USP13: variants seen among roughly 807,000 people sequenced by gnomAD.
USP13 encodes the protein ubiquitin carboxyl-terminal hydrolase 13.
A neutral mutation model predicts 107.8 loss-of-function variants in USP13; 68 were observed. The ratio of observed to expected loss-of-function variants is 0.63; its 90% CI spans 0.52 to 0.77. The LOEUF (loss-of-function observed/expected upper bound fraction) is 0.77, where lower values mean the gene tolerates loss of function less well. Ranked by LOEUF, USP13 falls within the 30% of genes least tolerant of loss-of-function variation. The pLI, the probability that USP13 is intolerant of heterozygous loss-of-function variation, is 0.00. For synonymous variants in USP13, 377 were observed against 389.5 expected (o/e 0.97, Z 0.38); for missense variants, 945 against 1,093.3 (o/e 0.86, Z 1.91).
intron 16 of USP13, among the ~76,000 whole-genome samples, chr3:179,759,697 C>T (rs1299913289): frequency 4.6e-5 from 7 of 151,712 alleles, no homozygotes; most frequent in African/African-American, 9.7e-5. Flanking sequence ...TTTTTTGAGA[C>T]GGAGTCTCAC....
intron 6 of USP13, among the ~76,000 whole-genome samples, chr3:179,715,226 A>G (rs1315380626): frequency 6.7e-6 from 1 of 148,342 alleles, no homozygotes; most frequent in Non-Finnish European, 1.5e-5. Flanking sequence ...GAATCTCACT[A>G]TGTTGCCCAG....
At chr3:179,781,107 T>C (rs1326912831) in intron 19 of USP13, among the ~76,000 whole-genome samples, 3 of 152,156 alleles carry the variant, frequency 2.0e-5, no homozygotes, top group Non-Finnish European at 4.4e-5. Context: ...AGAATAAACA[T>C]TGGTCTCATC....
intron 16 of USP13, among the ~76,000 whole-genome samples, chr3:179,760,188 C>T (rs1286272661): frequency 2.0e-5 from 3 of 151,234 alleles, no homozygotes; most frequent in African/African-American, 7.3e-5. Flanking sequence ...CAGATTTACA[C>T]ATACATCTCT....
Position 179,748,645 on chromosome 3 carries a change from A to G in USP13, c.1709+3428A>G, listed in dbSNP as rs948815843. On this transcript the variant is annotated intron_variant, in intron 13 of 20. Coordinates refer to ENST00000263966, the MANE Select transcript of USP13 (RefSeq NM_003940.3). ...CAGCAAATATTATTGCTCACTTAGT[A>G]TATTCTAGGCAATGGGTTGAACAAG... is the stretch of plus-strand genomic sequence containing the variant. 3.9e-5 allele frequency among the ~76,000 whole-genome samples: 6 copies of G among 152,234 alleles called. No homozygotes were observed. The East Asian group carries it at 9.6e-4, about 24-fold the overall frequency.
At chr3:179,669,986 G>A (rs745390941) in intron 1 of USP13, among the ~76,000 whole-genome samples, 2 of 151,426 alleles carry the variant, frequency 1.3e-5, no homozygotes, top group Non-Finnish European at 2.9e-5. Flanking sequence ...TCCTTGAGCT[G>A]ACCTTTGCAG....
At chr3:179,730,804 T>C in intron 10 of USP13, 95 bp downstream of exon 10, 1 of 1,127,072 alleles carries the variant, frequency 8.9e-7, no homozygotes, top group Non-Finnish European at 1.3e-6. Flanking sequence ...GCCATAAATT[T>C]AGCAAGCTGT....
chr3:179,712,457 G>A (rs1374912698), intron 6 of USP13, among the ~76,000 whole-genome samples: 1 of 151,266 alleles, frequency 6.6e-6, no homozygotes, highest in East Asian at 1.9e-4. Flanking sequence ...TTTTTTAAAG[G>A]GTTAATCAGT....
chr3:179,777,083 T>C (rs1337572362), intron 19 of USP13, among the ~76,000 whole-genome samples: 1 of 152,190 alleles, frequency 6.6e-6, no homozygotes, highest in African/African-American at 2.4e-5. Flanking sequence ...CAGTTGCTTA[T>C]ATTGATAAAC....
intron 1 of USP13, among the ~76,000 whole-genome samples, chr3:179,657,875 G>A (rs111725307): frequency 1.3e-5 from 2 of 152,046 alleles, no homozygotes; most frequent in African/African-American, 4.8e-5. Flanking sequence ...AAGTGGAGGA[G>A]GGATGTCTTG....
rs1713248648 is a variant in USP13 at position 179,719,950 on chromosome 3, T to C, written c.816T>C (p.Ser272=). ...CTCTTCATCCGCTAGATGTTTATTC[T>C]TTTCAAGAAGAAGAACCTGTTTTGG... ...TITPDGADVY[S]FQEEEPVLDP... Residue 272 remains serine, a synonymous_variant, in exon 7 of 21, where the codon TCT becomes TCC. Coordinates refer to ENST00000263966, the MANE Select transcript of USP13 (RefSeq NM_003940.3). 3.7e-6 allele frequency: 6 copies of C among 1,613,854 alleles called. No individual in the cohort carries two copies. In the East Asian group the frequency reaches 1.3e-4, roughly 36 times the overall value.
rs1400157853 is a variant in USP13, at chr3:179,721,128, A to T, written c.901-274A>T. On this transcript the variant is annotated intron_variant, in intron 7 of 20. Coordinates refer to ENST00000263966, the MANE Select transcript of USP13 (RefSeq NM_003940.3). The surrounding 1 kb of genome is among the most constrained non-coding windows in gnomAD (Gnocchi z 4.3). ...CCGGCCTCTCTTTAAAATCTTTTTC[A>T]TGTGTGTTTTAAAAATTGTGGTACA... 2.0e-5 allele frequency among the ~76,000 whole-genome samples: 3 copies of T among 152,008 alleles called. No individual in the cohort carries two copies. The highest frequency in any genetic ancestry group is 4.4e-5 in the Non-Finnish European group (3 of 67,998).
chr3:179,700,982 G>T (rs764268458), intron 3 of USP13, 26 bp from the exon 4 acceptor site: 3 of 1,603,278 alleles, frequency 1.9e-6, no homozygotes, highest in South Asian at 1.1e-5. Context: ...CTCACTTCTT[G>T]TTCTTTGTTT....
chr3:179,780,993 T>A (rs1715727543), intron 19 of USP13, among the ~76,000 whole-genome samples: 1 of 152,194 alleles, frequency 6.6e-6, no homozygotes, highest in Non-Finnish European at 1.5e-5. Context: ...GTTTGCTGAG[T>A]GGACTGGTAC....
chr3:179,700,047 A>G (rs1423098580), intron 3 of USP13, among the ~76,000 whole-genome samples: 2 of 152,180 alleles, frequency 1.3e-5, no homozygotes, highest in African/African-American at 4.8e-5. Flanking sequence ...AGTTCCAAGC[A>G]TAAATATACA....
Position 179,704,003 on chromosome 3 carries a change from A to G in USP13, c.477+2874A>G, listed in dbSNP as rs533989488. ...GTGCAGAACTGAACTGGAGGCTTAC[A>G]AAGGCATGGGATGGAGCCAGGACTA... On this transcript the variant is annotated intron_variant, in intron 4 of 20. Transcript: ENST00000263966. 2.0e-3 allele frequency among the ~76,000 whole-genome samples: 299 copies of G among 152,302 alleles called. 2 individuals are homozygous for G. Among genetic ancestry groups the G allele is most frequent in the African/African-American group, 6.9e-3 (287 of 41,562 alleles).
chr3:179,754,599 G>A lies in USP13; in HGVS notation c.1799-133G>A, dbSNP rs9879745. 3.1e-3 allele frequency: 3,763 copies of A among 1,214,188 alleles called. 98 individuals are homozygous for A. The African/African-American group carries it at 0.052, about 17-fold the overall frequency. The allele number at this position is 1,214,188 out of a possible 1,614,324, so 75.2% of individuals were successfully genotyped here. ...GTTAGTCTTCATGAACCTGCTGGTC[G>A]AGCAACATATTCTAGGGAATTGAAA... On this transcript the variant is annotated intron_variant, in intron 14 of 20. Coordinates refer to ENST00000263966, the MANE Select transcript of USP13 (RefSeq NM_003940.3).
chr3:179,673,003 T>C (rs1214528842), intron 1 of USP13, among the ~76,000 whole-genome samples: 1 of 152,172 alleles, frequency 6.6e-6, no homozygotes, highest in Non-Finnish European at 1.5e-5. Context: ...GCAGCCACTT[T>C]CCTGAAGAAC....
At chr3:179,673,255 C>A (rs780740702) in intron 1 of USP13, among the ~76,000 whole-genome samples, 6 of 152,096 alleles carry the variant, frequency 3.9e-5, no homozygotes, top group Non-Finnish European at 8.8e-5. Flanking sequence ...ATCAGAAGGG[C>A]ACTGAGGAAT....
intron 3 of USP13, among the ~76,000 whole-genome samples, chr3:179,691,812 T>C (rs537361582): frequency 2.3e-4 from 35 of 152,338 alleles, no homozygotes; most frequent in African/African-American, 7.9e-4. Context: ...CAGTTTTGTT[T>C]ATGCAAGTGA....
Sources: allele counts gnomAD v4.1 joint callset (sites outside exome capture counted in the v4.1 genomes callset), GRCh38; gene constraint gnomAD v4.1.1; non-coding constraint Gnocchi (gnomAD v3.1); transcripts MANE v1.5; gene names NCBI Gene and HGNC (gene_info 2026-07-23, HGNC 2026-07-21).